PLCG2: variants seen among roughly 807,000 people sequenced by gnomAD.
PLCG2 encodes the protein phospholipase C gamma 2.
PLCG2 carries 69 observed loss-of-function variants against 175.6 expected under a neutral mutation model. The observed-to-expected ratio is 0.39, with a 90% CI of 0.32 to 0.48. PLCG2 has a LOEUF of 0.48. Among genes scored for constraint, PLCG2 ranks in the 20% least tolerant of loss-of-function variants. The probability of loss-of-function intolerance (pLI) is 0.91; values close to 1 mark genes in which losing one functional copy is unlikely to be tolerated. For synonymous variants in PLCG2, 827 were observed against 624.0 expected, an observed-to-expected ratio of 1.33 and a Z score of -4.85; for missense variants, 1,798 against 1,650.9, an observed-to-expected ratio of 1.09 and a Z score of -1.54.
intron 24 of PLCG2, among the ~76,000 whole-genome samples, chr16:81,929,456 C>T (rs553022751): frequency 2.0e-5 from 3 of 152,270 alleles, no homozygotes; most frequent in Admixed American, 6.5e-5. Context: ...AGTGCAGTGG[C>T]GTGATCTTGG....
In PLCG2 at chr16:81,900,598, T is replaced by C; in HGVS notation, c.1194-14T>C. ...GCTCCCCCTGCCGAGCTGCCCACCC[T>C]CTTCTGCCTGCAGCTTCCCAGTGAT... On this transcript the variant is annotated splice_polypyrimidine_tract_variant and intron_variant, in intron 13 of 32. Transcript: ENST00000564138. 1 of 1,582,114 alleles carries C rather than the reference T, an allele frequency of 6.3e-7. No homozygotes were observed. The highest frequency in any genetic ancestry group is 8.7e-7 in the Non-Finnish European group (1 of 1,154,950).
intron 1 of PLCG2, among the ~76,000 whole-genome samples, chr16:81,750,243 G>A (rs112315451): frequency 0.033 from 5,035 of 151,898 alleles, 274 homozygotes; most frequent in African/African-American, 0.12. Context: ...TTCCATCTCT[G>A]CTAAAAATAC....
chr16:81,821,443 C>T (rs1042381570), intron 2 of PLCG2, among the ~76,000 whole-genome samples: 1 of 151,972 alleles, frequency 6.6e-6, no homozygotes, highest in Non-Finnish European at 1.5e-5. Context: ...TGGGCAGCCT[C>T]GGTGGCTGTT....
chr16:81,912,762 A>T, intron 19 of PLCG2, 46 bp downstream of exon 19: 1 of 1,534,982 alleles, frequency 6.5e-7, no homozygotes, highest in Non-Finnish European at 8.8e-7. Flanking sequence ...GGGGCTTGGC[A>T]AGGACAGATG....
intron 2 of PLCG2, among the ~76,000 whole-genome samples, chr16:81,805,808 G>A (rs372595591): frequency 1.7e-4 from 9 of 52,820 alleles, no homozygotes; most frequent in African/African-American, 7.2e-4. Flanking sequence ...TGCTGTTATT[G>A]TTGTTTTGTT....
At chr16:81,864,381 C>T (rs754196961) in intron 5 of PLCG2, among the ~76,000 whole-genome samples, 1 of 152,230 alleles carries the variant, frequency 6.6e-6, no homozygotes, top group Non-Finnish European at 1.5e-5. Context: ...GTGGAACTAG[C>T]TGCATTTCAG....
chr16:81,882,949 T>A (rs1188817850), intron 8 of PLCG2, among the ~76,000 whole-genome samples: 3 of 151,210 alleles, frequency 2.0e-5, no homozygotes, highest in African/African-American at 7.3e-5. Flanking sequence ...ATATGCCTGG[T>A]TCACCTGTCT....
chr16:81,837,959 A>G (rs77805205), intron 2 of PLCG2, among the ~76,000 whole-genome samples: 5,494 of 152,284 alleles, frequency 0.036, 134 homozygotes, highest in African/African-American at 0.065. Context: ...GTTATGTACA[A>G]TTTGGTCACA....
At chr16:81,804,347 T>C (rs775727561) in intron 2 of PLCG2, among the ~76,000 whole-genome samples, 7 of 152,220 alleles carry the variant, frequency 4.6e-5, no homozygotes, top group Non-Finnish European at 8.8e-5. Context: ...CTTCTAAACA[T>C]TGGCTTTCTG....
In PLCG2 at chr16:81,807,504, C is replaced by T. The variant is rs79955584; in HGVS notation, c.193+21322C>T. Among the ~76,000 whole-genome samples the T allele has an allele frequency of 2.0e-3, 312 of 152,312 alleles. 5 individuals are homozygous for T. Among genetic ancestry groups the T allele is most frequent in the East Asian group, 0.012 (62 of 5,190 alleles). On this transcript the variant is annotated intron_variant, in intron 2 of 32. Transcript: ENST00000564138. ...TCATCATTGTCATCACTGTCACTAA[C>T]GCCACCATAAGAGCTGACATTTATG...
intron 1 of PLCG2, among the ~76,000 whole-genome samples, chr16:81,749,347 A>G (rs1909762161): frequency 6.6e-6 from 1 of 151,954 alleles, no homozygotes; most frequent in African/African-American, 2.4e-5. Context: ...AATAAATTAT[A>G]TTTTATTTTT....
At chr16:81,788,971 C>A (rs1911105465) in intron 2 of PLCG2, among the ~76,000 whole-genome samples, 1 of 152,184 alleles carries the variant, frequency 6.6e-6, no homozygotes, top group Admixed American at 6.5e-5. Flanking sequence ...GCAGGTTGTT[C>A]CTTTCTCTTC....
At chr16:81,749,588 A>G in intron 1 of PLCG2, among the ~76,000 whole-genome samples, 1 of 152,188 alleles carries the variant, frequency 6.6e-6, no homozygotes, top group Non-Finnish European at 1.5e-5. Flanking sequence ...TCCTGACCTC[A>G]AGTGATCCAT....
chr16:81,940,820 T>TC (rs1294464343), intron 30 of PLCG2, among the ~76,000 whole-genome samples: 4 of 152,192 alleles, frequency 2.6e-5, no homozygotes, highest in Non-Finnish European at 4.4e-5. Flanking sequence ...ATATAGTTTC[T>TC]CTAGTTTACT....
At chr16:81,911,291 TTCTTA>T (rs1387282755) in intron 18 of PLCG2, among the ~76,000 whole-genome samples, 2 of 152,214 alleles carry the variant, frequency 1.3e-5, no homozygotes, top group Non-Finnish European at 2.9e-5. Context: ...AACTTGCTAT[TTCTTA>T]TCTTAAGAAA....
chr16:81,864,589 C>T (rs1166958365), intron 5 of PLCG2, among the ~76,000 whole-genome samples: 1 of 152,154 alleles, frequency 6.6e-6, no homozygotes, highest in Non-Finnish European at 1.5e-5. Flanking sequence ...TAATAGTTCC[C>T]GCCTCCCAGG....
At chr16:81,777,724 C>G (rs1910459494), upstream of PLCG2, among the ~76,000 whole-genome samples, 1 of 151,856 alleles carries the variant, frequency 6.6e-6, no homozygotes, top group Non-Finnish European at 1.5e-5. Context: ...AATTAAAAAA[C>G]GCTATAACAG....
chr16:81,760,748 T>TTAA (rs1447939537), intron 2 of PLCG2, among the ~76,000 whole-genome samples: 1 of 87,888 alleles, frequency 1.1e-5, no homozygotes, highest in African/African-American at 3.5e-5. Context: ...CCGTCTCTAT[T>TTAA]AAAAAAAAAA....
intron 2 of PLCG2, among the ~76,000 whole-genome samples, chr16:81,846,677 A>C (rs139603366): frequency 6.6e-6 from 1 of 152,246 alleles, no homozygotes; most frequent in Non-Finnish European, 1.5e-5. Context: ...GGAAGACTCA[A>C]TATTTTCAAG....
Sources: gnomAD v4.1 joint callset for allele counts (sites outside exome capture counted in the v4.1 genomes callset) on GRCh38, gnomAD v4.1.1 for gene constraint, MANE v1.5 for transcripts, NCBI Gene and HGNC (gene_info 2026-07-23, HGNC 2026-07-21) for gene names.